PDPR: variants seen among roughly 807,000 people sequenced by gnomAD.
PDPR encodes pyruvate dehydrogenase phosphatase regulatory subunit.
A neutral mutation model predicts 102.2 loss-of-function variants in PDPR; 50 were observed. The observed-to-expected ratio is 0.49, with a 90% CI of 0.39 to 0.62. The LOEUF (loss-of-function observed/expected upper bound fraction) is 0.62. Ranked by LOEUF, PDPR falls within the 20% of genes least tolerant of loss-of-function variation. PDPR has a pLI of 0.00. For synonymous variants in PDPR, 259 were observed against 406.0 expected (o/e 0.64, Z 4.35); for missense variants, 625 against 1,098.2 (o/e 0.57, Z 6.09).
At chr16:70,156,272 A>T (rs1190207124) in intron 18 of PDPR, 1 of 639,068 alleles carries the variant, frequency 1.6e-6, no homozygotes, top group African/African-American at 1.8e-5. Flanking sequence ...TGTTGTTACA[A>T]AAATTACCGC....
At chr16:70,141,487 C>G (rs1965707479) in intron 11 of PDPR, among the ~76,000 whole-genome samples, 1 of 152,278 alleles carries the variant, frequency 6.6e-6, no homozygotes, top group Admixed American at 6.5e-5. Context: ...AGTTAATTAT[C>G]AGGGAGGAAA....
At position 70,124,459 on chromosome 16, in the gene PDPR, G is replaced by C. The variant is rs548217309; in HGVS notation, c.228-2801G>C. 1.8e-4 allele frequency among the ~76,000 whole-genome samples: 28 copies of C among 152,360 alleles called. No individual in the cohort carries two copies. The South Asian group carries it at 5.2e-3, about 28-fold the overall frequency. On this transcript the variant is annotated intron_variant, in intron 3 of 18. Coordinates refer to ENST00000288050, the MANE Select transcript of PDPR (RefSeq NM_017990.5). The stretch of plus-strand genomic sequence containing the variant: ...ATTCCTCTTGTCCATCTTCACTATT[G>C]TTCTCATAGATCAATGGGTCTTAAA...
At chr16:70,153,849 A>C (rs1461446115) in intron 18 of PDPR, among the ~76,000 whole-genome samples, 1 of 152,214 alleles carries the variant, frequency 6.6e-6, no homozygotes, top group Non-Finnish European at 1.5e-5. Flanking sequence ...GTTCGAGACC[A>C]GCCTGGCCAA....
At chr16:70,126,997 A>AC (rs1436945534) in intron 3 of PDPR, among the ~76,000 whole-genome samples, 1 of 152,258 alleles carries the variant, frequency 6.6e-6, no homozygotes, top group Admixed American at 6.5e-5. Context: ...GGCATGTGCT[A>AC]CCATGCCTGG....
At chr16:70,127,170 G>T in intron 3 of PDPR, 90 bp from the exon 4 acceptor site, 1 of 1,542,132 alleles carries the variant, frequency 6.5e-7, no homozygotes, top group Non-Finnish European at 8.7e-7. Flanking sequence ...CCATCTTTTG[G>T]TGTTAGAAAC....
intron 3 of PDPR, among the ~76,000 whole-genome samples, chr16:70,125,580 T>G (rs1330296644): frequency 1.0e-3 from 46 of 44,358 alleles, no homozygotes; most frequent in African/African-American, 3.7e-3. Context: ...AAAAAGTATA[T>G]ATATATATAT....
chr16:70,116,194 A>T (rs1295452923), intron 2 of PDPR, among the ~76,000 whole-genome samples: 1 of 145,538 alleles, frequency 6.9e-6, no homozygotes. Context: ...TTCCTGTCTC[A>T]GCCTCCTGAG....
chr16:70,156,473 A>G lies in PDPR; in HGVS notation c.2236-2A>G. On this transcript the variant is annotated splice_acceptor_variant, in intron 18 of 18. Coordinates refer to ENST00000288050, the MANE Select transcript of PDPR (RefSeq NM_017990.5). LOFTEE classifies it high-confidence loss of function. ...TGACTCGGCGTTTCCTTTCTTTCTT[A>G]GGGCATGGATTTCATTGGTCGCGAC... is the stretch of plus-strand genomic sequence containing the variant. The G allele has an allele frequency of 6.2e-7, 1 of 1,612,444 alleles. No individual in the cohort carries two copies. Among genetic ancestry groups the G allele is most frequent in the Non-Finnish European group, 8.5e-7 (1 of 1,178,788 alleles).
intron 3 of PDPR, among the ~76,000 whole-genome samples, chr16:70,123,492 C>A (rs1450860788): frequency 6.6e-6 from 1 of 152,282 alleles, no homozygotes; most frequent in Non-Finnish European, 1.5e-5. Flanking sequence ...CCCACCTCAA[C>A]CTCCCAAAGT....
chr16:70,155,555 AT>A (rs1157537513), intron 18 of PDPR, among the ~76,000 whole-genome samples: 1 of 152,186 alleles, frequency 6.6e-6, no homozygotes, highest in Non-Finnish European at 1.5e-5. Context: ...GCATTTTTGT[AT>A]TTTTTCTTTT....
intron 11 of PDPR, among the ~76,000 whole-genome samples, chr16:70,139,552 C>A (rs1338547831): frequency 1.3e-5 from 2 of 152,268 alleles, no homozygotes; most frequent in African/African-American, 4.8e-5. Flanking sequence ...GATTGGGAGC[C>A]ACTTCCCATA....
chr16:70,154,142 C>T (rs1000852674), intron 18 of PDPR, among the ~76,000 whole-genome samples: 12 of 152,238 alleles, frequency 7.9e-5, no homozygotes, highest in South Asian at 2.1e-4. Context: ...GGCGACAGAG[C>T]GAGACTCCGT....
At chr16:70,136,898 A>T (rs1168701910) in intron 10 of PDPR, among the ~76,000 whole-genome samples, 1 of 152,196 alleles carries the variant, frequency 6.6e-6, no homozygotes, top group African/African-American at 2.4e-5. Flanking sequence ...GTGTGCCAAG[A>T]CATCTGGCTA....
intron 4 of PDPR, among the ~76,000 whole-genome samples, chr16:70,127,742 G>A (rs1427459219): frequency 6.6e-6 from 1 of 152,284 alleles, no homozygotes; most frequent in Non-Finnish European, 1.5e-5. Flanking sequence ...TAGGAGAATT[G>A]TCATTGGCCC....
rs1321931445 is a variant in PDPR, at chr16:70,157,714, C to T, written c.*835C>T. 1 of 158,756 alleles carries T rather than the reference C, an allele frequency of 6.3e-6. No homozygotes were observed. Among genetic ancestry groups the T allele is most frequent in the African/African-American group, 2.4e-5 (1 of 41,490 alleles). The allele number at this position is 158,756 out of a possible 1,614,324, so 9.8% of individuals were successfully genotyped here. A position where few individuals can be genotyped will look rare whatever the true frequency, so the allele number is the denominator to read the frequency against. ...TCAAAAGGGTCTGACCTTAGAAAGT[C>T]CCCACCAGTGATGCTGAGTGTTCTG... On this transcript the variant is annotated 3_prime_UTR_variant, in exon 19 of 19. Coordinates refer to ENST00000288050, the MANE Select transcript of PDPR (RefSeq NM_017990.5).
intron 18 of PDPR, among the ~76,000 whole-genome samples, chr16:70,155,689 C>A (rs2152121897): frequency 6.6e-6 from 1 of 152,322 alleles, no homozygotes; most frequent in South Asian, 2.1e-4. Flanking sequence ...CGTGCCTGGC[C>A]ATAATCACCG....
At chr16:70,134,790 A>AG (rs2152088016) in intron 9 of PDPR, among the ~76,000 whole-genome samples, 1 of 146,432 alleles carries the variant, frequency 6.8e-6, no homozygotes, top group Admixed American at 6.9e-5. Flanking sequence ...CATCTCAAAA[A>AG]AAAAAAAAAT....
rs1178145032 is a variant in PDPR at position 70,161,743 on chromosome 16, A to G, written c.*4864A>G. 2.0e-5 allele frequency: 3 copies of G among 152,592 alleles called. No individual in the cohort carries two copies. Among genetic ancestry groups the G allele is most frequent in the East Asian group, 1.9e-4 (1 of 5,206 alleles). 9.5% of individuals were successfully genotyped at this position (152,592 alleles called of 1,614,324 possible). A position where few individuals can be genotyped will look rare whatever the true frequency, so the allele number is the denominator to read the frequency against. On this transcript the variant is annotated 3_prime_UTR_variant, in exon 19 of 19. Transcript: ENST00000288050. Reference sequence around the variant, plus strand: ...TTTGCCTTCCCTTTGTCCATGAAACATGAAGAGTTGTTTATGGTTCTTGAC... The same window carrying G: ...TTTGCCTTCCCTTTGTCCATGAAACGTGAAGAGTTGTTTATGGTTCTTGAC...
At chr16:70,144,992 C>T (rs1966104489) in intron 15 of PDPR, among the ~76,000 whole-genome samples, 1 of 151,850 alleles carries the variant, frequency 6.6e-6, no homozygotes, top group African/African-American at 2.4e-5. Flanking sequence ...CAGTGGCTTA[C>T]ACCTGTAATC....
Sources: gnomAD v4.1 joint callset for allele counts (sites outside exome capture counted in the v4.1 genomes callset) on GRCh38, gnomAD v4.1.1 for gene constraint, MANE v1.5 for transcripts, NCBI Gene and HGNC (gene_info 2026-07-23, HGNC 2026-07-21) for gene names.